Variants in DACH2 observed in about 807,000 individuals in gnomAD.
DACH2 encodes dachshund homolog 2.
In DACH2, 17 loss-of-function variants were observed where a neutral mutation model predicts 35.8. The observed-to-expected ratio is 0.48, with a 90% confidence interval of 0.33 to 0.71. The LOEUF is 0.71. Ranked by LOEUF, DACH2 falls within the 30% of genes least tolerant of loss-of-function variation. The probability of loss-of-function intolerance (pLI) is 0.02; values close to 1 mark genes in which losing one functional copy is unlikely to be tolerated. For missense variants in DACH2, 469 were observed against 472.7 expected (o/e 0.99, Z 0.07); for synonymous variants, 195 against 177.3 (o/e 1.10, Z -0.79).
At chrX:86,180,176 GTATATATATATATATATATA>G (rs72366047) in intron 1 of DACH2, among the ~76,000 whole-genome samples, 1,610 of 42,925 alleles carry the variant, frequency 0.038, 96 homozygotes, top group African/African-American at 0.11. Flanking sequence ...ATGCTAAACC[GTATATATATATATATATATA>G]TATATATATA....
chrX:86,658,955 T>C (rs2040574787), intron 4 of DACH2, among the ~76,000 whole-genome samples: 1 of 111,536 alleles, frequency 9.0e-6, no homozygotes, highest in Non-Finnish European at 1.9e-5. Context: ...TTTGCTTCCA[T>C]GGAGCAGATG....
At chrX:86,243,936 C>T (rs1231246729) in intron 1 of DACH2, among the ~76,000 whole-genome samples, 3 of 111,137 alleles carry the variant, frequency 2.7e-5, no homozygotes, top group African/African-American at 9.8e-5. Context: ...TATTTTATAG[C>T]ATTATATTAA....
At chrX:86,227,727 TA>T (rs1337944506) in intron 1 of DACH2, among the ~76,000 whole-genome samples, 2 of 108,958 alleles carry the variant, frequency 1.8e-5, no homozygotes, top group Non-Finnish European at 3.8e-5. Context: ...ATTCTTCTTT[TA>T]AAAAAAATGC....
chrX:86,415,716 C>T (rs1004257272), intron 2 of DACH2, among the ~76,000 whole-genome samples: 2 of 111,912 alleles, frequency 1.8e-5, no homozygotes, highest in African/African-American at 6.5e-5. Flanking sequence ...GTACTCATCA[C>T]GACATTTTAT....
chrX:86,421,149 A>C (rs1179334530), intron 2 of DACH2, among the ~76,000 whole-genome samples: 1 of 111,985 alleles, frequency 8.9e-6, no homozygotes, highest in East Asian at 2.8e-4. Context: ...ATTATAAATT[A>C]TAAATGTAAG....
chrX:86,667,448 A>G (rs1367826782), intron 4 of DACH2, among the ~76,000 whole-genome samples: 11 of 51,204 alleles, frequency 2.1e-4, no homozygotes, highest in African/African-American at 7.4e-4. Context: ...GAAAGAAGAA[A>G]GAGAAAGAAA....
intron 3 of DACH2, among the ~76,000 whole-genome samples, chrX:86,589,263 T>C (rs964575369): frequency 1.8e-5 from 2 of 111,484 alleles, no homozygotes; most frequent in Admixed American, 1.9e-4. Flanking sequence ...CTGTATGAAT[T>C]TTTGGGTCTC....
At chrX:86,504,298 G>A (rs1292830455) in intron 2 of DACH2, among the ~76,000 whole-genome samples, 3 of 109,314 alleles carry the variant, frequency 2.7e-5, no homozygotes, top group African/African-American at 9.9e-5. Flanking sequence ...GTTTATTTCT[G>A]GTTTGTTGTA....
At chrX:86,827,743 G>A in intron 11 of DACH2, 2 of 1,161,829 alleles carry the variant, frequency 1.7e-6, no homozygotes, top group African/African-American at 1.8e-5. Context: ...TTTTGACCAG[G>A]TCTTATTGTT....
chrX:86,307,233 C>A (rs1395259386), intron 1 of DACH2, among the ~76,000 whole-genome samples: 3 of 111,945 alleles, frequency 2.7e-5, no homozygotes, highest in Non-Finnish European at 5.6e-5. Context: ...AGCCTCAAAT[C>A]TGCTAAGATT....
chrX:86,216,353 C>G (rs1398786107), intron 1 of DACH2, among the ~76,000 whole-genome samples: 1 of 108,402 alleles, frequency 9.2e-6, no homozygotes, highest in Non-Finnish European at 1.9e-5. Flanking sequence ...TGCTATCCCT[C>G]CCCCAGCCCA....
At chrX:86,254,060 C>T (rs2033453239) in intron 1 of DACH2, among the ~76,000 whole-genome samples, 1 of 111,796 alleles carries the variant, frequency 8.9e-6, no homozygotes, top group Admixed American at 9.5e-5. Flanking sequence ...AGAATCAGCT[C>T]CAGAAACAAT....
chrX:86,485,668 C>G (rs934278007), intron 2 of DACH2, among the ~76,000 whole-genome samples: 3 of 111,106 alleles, frequency 2.7e-5, no homozygotes, highest in African/African-American at 9.8e-5. Context: ...TTTAAAAAAT[C>G]TTCCAACCGA....
chrX:86,241,782 C>T (rs566873924), intron 1 of DACH2, among the ~76,000 whole-genome samples: 17 of 112,343 alleles, frequency 1.5e-4, no homozygotes, highest in African/African-American at 5.2e-4. Context: ...TCTGTGCAGC[C>T]TTGGAACATG....
Position 86,148,709 on chromosome X carries a change from C to T in DACH2, c.89C>T (p.Ser30Leu), listed in dbSNP as rs1602233569. 1 of 1,210,342 alleles carries T rather than the reference C, an allele frequency of 8.3e-7. No individual in the cohort carries two copies. Among genetic ancestry groups the T allele is most frequent in the Non-Finnish European group, 1.1e-6 (1 of 894,923 alleles). ...GGLFRAEPLY[S>L]TPREPPRLTP... ...TTATTCCGGGCCGAACCCCTGTACT[C>T]GACTCCCAGAGAGCCCCCTCGTCTT... The change falls in exon 1 of 12, where the codon TCG (serine) becomes TTG (leucine). Residue 30 changes from serine (S) to leucine (L), a missense_variant. Physicochemically the swap from Ser to Leu is moderately radical, Grantham distance 145. This residue lies in a region of DACH2 where 99 missense variants were observed against 114.3 expected (regional missense o/e 0.87). Transcript: ENST00000373125.
chrX:86,182,213 G>T (rs1485700201), intron 1 of DACH2, among the ~76,000 whole-genome samples: 2 of 111,671 alleles, frequency 1.8e-5, no homozygotes, highest in Admixed American at 1.9e-4. Flanking sequence ...GTCAATTTTG[G>T]CTTTTGTTGC....
chrX:86,716,377 A>G (rs1452572708), intron 6 of DACH2, among the ~76,000 whole-genome samples: 2 of 111,781 alleles, frequency 1.8e-5, no homozygotes, highest in African/African-American at 6.5e-5. Flanking sequence ...TGACAACACA[A>G]ACAAATTGTG....
At chrX:86,434,173 A>G (rs2037029788) in intron 2 of DACH2, among the ~76,000 whole-genome samples, 1 of 112,054 alleles carries the variant, frequency 8.9e-6, no homozygotes, top group Non-Finnish European at 1.9e-5. Context: ...AGCGATTTTT[A>G]TTTTATGCCG....
At chrX:86,631,236 C>T (rs879245103) in intron 3 of DACH2, among the ~76,000 whole-genome samples, 1 of 112,005 alleles carries the variant, frequency 8.9e-6, no homozygotes, top group African/African-American at 3.2e-5. Flanking sequence ...TTTGCTCTTT[C>T]AGTCTCCAGT....
Sources: allele counts gnomAD v4.1 joint callset (sites outside exome capture counted in the v4.1 genomes callset), GRCh38; gene constraint gnomAD v4.1.1; regional missense constraint gnomAD v4.1.1; transcripts MANE v1.5; gene names NCBI Gene and HGNC (gene_info 2026-07-23, HGNC 2026-07-21).